Variants in SAMTOR observed in about 807,000 individuals in gnomAD.
SAMTOR encodes S-adenosylmethionine sensor upstream of mTORC1.
At chr7:112,939,760 G>T in the SAMTOR span, 20,537 of 1,572,068 alleles carry the variant, frequency 0.013, 1,046 homozygotes, top group African/African-American at 0.16. Context: ...TATCGCAGCC[G>T]CCGCCGCCGC....
the SAMTOR span, among the ~76,000 whole-genome samples, chr7:112,905,513 C>A: frequency 6.6e-6 from 1 of 151,770 alleles, no homozygotes; most frequent in African/African-American, 2.4e-5. Context: ...AAAATAAAGG[C>A]CAATATCACT....
At chr7:112,821,843 T>G in the SAMTOR span, 1 of 1,613,720 alleles carries the variant, frequency 6.2e-7, no homozygotes, top group South Asian at 1.1e-5. Context: ...CAGGGAGTTC[T>G]GTGAAACCAT....
chr7:112,837,837 A>G, the SAMTOR span, among the ~76,000 whole-genome samples: 3 of 151,926 alleles, frequency 2.0e-5, no homozygotes, highest in Non-Finnish European at 2.9e-5. Flanking sequence ...CATACCTTGA[A>G]TTTATATGTT....
chr7:112,830,636 T>C, the SAMTOR span, among the ~76,000 whole-genome samples: 1 of 152,196 alleles, frequency 6.6e-6, no homozygotes, highest in Non-Finnish European at 1.5e-5. Flanking sequence ...ACAGAACTTC[T>C]CTGCAGTGGT....
chr7:112,845,331 C>T, the SAMTOR span, among the ~76,000 whole-genome samples: 1 of 152,064 alleles, frequency 6.6e-6, no homozygotes, highest in South Asian at 2.1e-4. Context: ...AAAATATTTA[C>T]AAACTATGCA....
At chr7:112,938,832 G>C in the SAMTOR span, among the ~76,000 whole-genome samples, 1 of 152,178 alleles carries the variant, frequency 6.6e-6, no homozygotes, top group Non-Finnish European at 1.5e-5. Context: ...TCCACAGAGG[G>C]GGTTCTCACC....
the SAMTOR span, among the ~76,000 whole-genome samples, chr7:112,890,393 A>G: frequency 2.6e-5 from 4 of 152,074 alleles, no homozygotes; most frequent in African/African-American, 9.7e-5. Flanking sequence ...AACACTAAAC[A>G]TAATAAGGGA....
the SAMTOR span, among the ~76,000 whole-genome samples, chr7:112,932,206 T>C: frequency 1.3e-5 from 2 of 152,202 alleles, no homozygotes; most frequent in Non-Finnish European, 2.9e-5. Flanking sequence ...ATTACAGGCA[T>C]GAGCCACCGT....
the SAMTOR span, among the ~76,000 whole-genome samples, chr7:112,826,903 C>T: frequency 6.6e-6 from 1 of 152,082 alleles, no homozygotes; most frequent in Non-Finnish European, 1.5e-5. Context: ...GCTGAAATCT[C>T]TATAATTTTA....
chr7:112,931,390 T>C, the SAMTOR span, among the ~76,000 whole-genome samples: 1 of 152,090 alleles, frequency 6.6e-6, no homozygotes, highest in Non-Finnish European at 1.5e-5. Context: ...TCTTCTGTTC[T>C]TGGAACAGCC....
the SAMTOR span, among the ~76,000 whole-genome samples, chr7:112,909,915 A>T: frequency 1.3e-5 from 2 of 151,726 alleles, no homozygotes; most frequent in African/African-American, 4.8e-5. Context: ...TACCAAAAAG[A>T]TGCAGAATAA....
At chr7:112,882,766 TAAA>T in the SAMTOR span, among the ~76,000 whole-genome samples, 3,338 of 120,654 alleles carry the variant, frequency 0.028, 124 homozygotes, top group African/African-American at 0.086. Flanking sequence ...CATCTTTTTT[TAAA>T]AAAAAAAAAA....
At chr7:112,885,921 T>C in the SAMTOR span, among the ~76,000 whole-genome samples, 1 of 152,092 alleles carries the variant, frequency 6.6e-6, no homozygotes, top group Non-Finnish European at 1.5e-5. Flanking sequence ...CGAGACTGGG[T>C]AACTTATAAA....
chr7:112,836,645 A>G, the SAMTOR span, among the ~76,000 whole-genome samples: 2 of 152,080 alleles, frequency 1.3e-5, no homozygotes, highest in Non-Finnish European at 2.9e-5. Flanking sequence ...ATTTTTGTGT[A>G]TGGTGTAAGA....
At chr7:112,832,794 C>A in the SAMTOR span, 1 of 607,214 alleles carries the variant, frequency 1.6e-6, no homozygotes, top group Non-Finnish European at 2.9e-6. Context: ...AAATTACTGA[C>A]GGCCCCAATG....
the SAMTOR span, among the ~76,000 whole-genome samples, chr7:112,913,805 T>A: frequency 6.6e-6 from 1 of 152,264 alleles, no homozygotes; most frequent in South Asian, 2.1e-4. Flanking sequence ...CTCATTTCCT[T>A]TATATCATTG....
At chr7:112,846,744 T>C in the SAMTOR span, among the ~76,000 whole-genome samples, 2 of 152,238 alleles carry the variant, frequency 1.3e-5, no homozygotes, top group East Asian at 3.8e-4. Context: ...ATCTCACTTC[T>C]GGTTCCATAT....
the SAMTOR span, among the ~76,000 whole-genome samples, chr7:112,861,997 TA>T: frequency 6.6e-6 from 1 of 152,214 alleles, no homozygotes; most frequent in Non-Finnish European, 1.5e-5. Context: ...CTCAGGCCTT[TA>T]ATCCAAGAAC....
chr7:112,875,943 T>A, the SAMTOR span, among the ~76,000 whole-genome samples: 1 of 152,142 alleles, frequency 6.6e-6, no homozygotes, highest in African/African-American at 2.4e-5. Context: ...GTTCCACCAA[T>A]CAAAATAATG....
Sources: gnomAD v4.1 joint callset for allele counts (sites outside exome capture counted in the v4.1 genomes callset) on GRCh38, gnomAD v4.1.1 for gene constraint, MANE v1.5 for transcripts, NCBI Gene and HGNC (gene_info 2026-07-23, HGNC 2026-07-21) for gene names.